The following DSP variants were observed in gnomAD, a reference collection of about 807,000 sequenced individuals.
DSP encodes the protein 250/210 kDa paraneoplastic pemphigus antigen.
In DSP, 114 loss-of-function variants were observed where a neutral mutation model predicts 290.6. That is an observed-to-expected ratio of 0.39 (90% CI 0.34 to 0.46). The LOEUF (loss-of-function observed/expected upper bound fraction) is 0.46. DSP is among the 20% of genes least tolerant of loss of function. DSP has a pLI of 0.99. For missense variants in DSP, 3,230 were observed against 3,495.8 expected, an observed-to-expected ratio of 0.92 and a Z score of 1.92; for synonymous variants, 1,311 against 1,316.4, an observed-to-expected ratio of 1.00 and a Z score of 0.09.
intron 10 of DSP, 129 bp from the exon 11 acceptor site, chr6:7,568,308 G>A: frequency 9.2e-7 from 1 of 1,091,348 alleles, no homozygotes; most frequent in Non-Finnish European, 1.4e-6. Flanking sequence ...ACGAATTTGT[G>A]ATTTTTTACA....
intron 6 of DSP, among the ~76,000 whole-genome samples, 198 bp downstream of exon 6, chr6:7,563,984 T>C (rs1218890272): frequency 1.3e-5 from 2 of 152,228 alleles, no homozygotes; most frequent in African/African-American, 4.8e-5. Flanking sequence ...AGACAGGGTT[T>C]CACCATGTTC....
chr6:7,579,996 G>T lies in DSP; in HGVS notation c.3806G>T (p.Arg1269Leu), dbSNP rs876657795. 11 of 1,614,004 alleles carry T rather than the reference G, an allele frequency of 6.8e-6. No homozygotes were observed. The highest frequency in any genetic ancestry group is 1.1e-5 in the South Asian group (1 of 91,086). ...SILQATEQRRRAEENALQQKA... is the reference protein window; with the variant it reads ...SILQATEQRRLAEENALQQKA... ...TTGCAGGCCACTGAGCAGCGAAGGC[G>T]AGCTGAAGAAAACGCCCTTCAGCAA... Residue 1269 changes from arginine to leucine, a missense_variant, in exon 23 of 24, where the codon CGA becomes CTA. By Grantham distance (102) the Arg-to-Leu change is moderately radical (BLOSUM62 -2). This residue lies in a region of DSP where 1,714 missense variants were observed against 1,844.5 expected (regional missense o/e 0.93). Coordinates refer to ENST00000379802, the MANE Select transcript of DSP (RefSeq NM_004415.4). This position sits in a 1 kb window ranked among gnomAD's most constrained non-coding sequence, Gnocchi z 4.1.
chr6:7,576,434 T>C lies in DSP; in HGVS notation c.2771T>C (p.Met924Thr), dbSNP rs752816142. 99 of 1,613,998 alleles carry C rather than the reference T, an allele frequency of 6.1e-5. No individual in the cohort carries two copies. Among genetic ancestry groups the C allele is most frequent in the Non-Finnish European group, 8.3e-5 (98 of 1,180,016 alleles). ...SMKFGDSNTV[M>T]RFLNEQKNLH... The stretch of plus-strand genomic sequence containing the variant: ...AAATTTGGAGATTCCAACACAGTCA[T>C]GCGGTTTTTGAATGAGCAGAAGGTA... The change falls in exon 19 of 24, where the codon ATG becomes ACG. Residue 924 changes from methionine to threonine, a missense_variant. Met to Thr is a moderately conservative substitution (Grantham distance 81). Coordinates refer to ENST00000379802, the MANE Select transcript of DSP (RefSeq NM_004415.4).
rs35879281 is a variant in DSP at position 7,552,401 on chromosome 6, CAAA to C, written c.171-3306_171-3304del. Among the ~76,000 whole-genome samples the C allele has an allele frequency of 2.9e-3, 411 of 142,668 alleles. 3 individuals are homozygous for C. The highest frequency in any genetic ancestry group is 1.0e-2 in the African/African-American group (389 of 39,028). The allele number at this position is 142,668 out of a possible 152,430, so 93.6% of individuals were successfully genotyped here. ...TGAAACCCCATCTCTATTAAAAATA[CAAA>C]AAAAAAAAAATAGCTGGGCGTGGTG... is the stretch of plus-strand genomic sequence containing the variant. On this transcript the variant is annotated intron_variant, in intron 1 of 23. Coordinates refer to ENST00000379802, the MANE Select transcript of DSP (RefSeq NM_004415.4).
chr6:7,582,648 A>C lies in DSP; in HGVS notation c.5386A>C (p.Asn1796His). 1 of 1,613,458 alleles carries C rather than the reference A, an allele frequency of 6.2e-7. No individual in the cohort carries two copies. The highest frequency in any genetic ancestry group is 8.5e-7 in the Non-Finnish European group (1 of 1,179,498). The change falls in exon 24 of 24, where the codon AAT (asparagine) becomes CAT (histidine). Residue 1796 changes from asparagine to histidine, a missense_variant. By Grantham distance (68) the Asn-to-His change is moderately conservative (BLOSUM62 1). This residue lies in a region of DSP where 1,714 missense variants were observed against 1,844.5 expected (regional missense o/e 0.93). Coordinates refer to ENST00000379802, the MANE Select transcript of DSP (RefSeq NM_004415.4). The surrounding 1 kb of genome is among the most constrained non-coding windows in gnomAD (Gnocchi z 4.2). ...CTTTCTTCTTCAATTCCAGGCATCT[A>C]ATAGGATTCAGGAATCAAAGAATCA... ...KFQKQALEAS[N>H]RIQESKNQCT...
rs201785897 is a variant in DSP at position 7,580,886 on chromosome 6, C to A, written c.4696C>A (p.Leu1566Met). The A allele has an allele frequency of 6.2e-7, 1 of 1,614,118 alleles. No individual in the cohort carries two copies. Among genetic ancestry groups the A allele is most frequent in the African/African-American group, 1.3e-5 (1 of 75,038 alleles). The change falls in exon 23 of 24, where the codon CTG becomes ATG. Residue 1566 changes from leucine to methionine, a missense_variant. Around this residue, in one of 5 missense-constraint regions of DSP, gnomAD observed 1,714 missense variants for 1,844.5 expected, o/e 0.93. Transcript: ENST00000379802. This position sits in a 1 kb window ranked among gnomAD's most constrained non-coding sequence, Gnocchi z 4.2. ...GCGGTTCCAGAACTCTCTGAAAGAG[C>A]TGCAGCTGCAGAAGCAGAAGGTGGA... is the stretch of plus-strand genomic sequence containing the variant. The part of the protein sequence containing the change: ...ITRFQNSLKE[L>M]QLQKQKVEEE...
chr6:7,544,790 T>C lies in DSP; in HGVS notation c.170+2705T>C, dbSNP rs115014365. On this transcript the variant is annotated intron_variant, in intron 1 of 23. Transcript: ENST00000379802. ...TCATTGTATCCTAATTCCCTCTTTT[T>C]CCCCCGACCACCTGCCTGTTCTTTG... Among the ~76,000 whole-genome samples the C allele has an allele frequency of 2.0e-3, 312 of 152,278 alleles. 2 individuals carry two copies. Among genetic ancestry groups the C allele is most frequent in the African/African-American group, 7.3e-3 (303 of 41,554 alleles).
At chr6:7,581,592 A>G in intron 23 of DSP, 23 bp downstream of exon 23, 1 of 1,610,576 alleles carries the variant, frequency 6.2e-7, no homozygotes, top group South Asian at 1.1e-5. Context: ...ACTTGATCAC[A>G]GCTTCACTGT....
chr6:7,556,060 A>G (rs1303009162), intron 2 of DSP, among the ~76,000 whole-genome samples: 2 of 152,228 alleles, frequency 1.3e-5, no homozygotes, highest in African/African-American at 4.8e-5. Flanking sequence ...AAATGTTTAC[A>G]CTACAGATTG....
chr6:7,573,000 C>T (rs989783065), intron 15 of DSP, among the ~76,000 whole-genome samples: 1 of 152,112 alleles, frequency 6.6e-6, no homozygotes, highest in African/African-American at 2.4e-5. Flanking sequence ...TGCAGGGGCA[C>T]ATGCCTGTAA....
intron 4 of DSP, among the ~76,000 whole-genome samples, chr6:7,560,225 A>G (rs1300192005): frequency 6.6e-6 from 1 of 152,208 alleles, no homozygotes; most frequent in African/African-American, 2.4e-5. Context: ...TGTGGTTGTA[A>G]GAAAGCTTGG....
At chr6:7,577,986 T>A in intron 21 of DSP, 100 bp downstream of exon 21, 1 of 966,494 alleles carries the variant, frequency 1.0e-6, no homozygotes, top group South Asian at 1.4e-5. Flanking sequence ...CTCCTGCCTG[T>A]CTTCCTTACC....
chr6:7,575,753 G>T (rs867485853), intron 18 of DSP, among the ~76,000 whole-genome samples: 1 of 152,178 alleles, frequency 6.6e-6, no homozygotes, highest in Admixed American at 6.5e-5. Flanking sequence ...CAGCTCTTTT[G>T]TGTCCTATAA....
At chr6:7,568,937 C>A (rs898853057) in intron 11 of DSP, among the ~76,000 whole-genome samples, 1 of 152,124 alleles carries the variant, frequency 6.6e-6, no homozygotes, top group Non-Finnish European at 1.5e-5. Context: ...ATGTCTCTCA[C>A]TATGGGTGAC....
At position 7,542,091 on chromosome 6, in the gene DSP, T is replaced by A. The variant is rs1212227369; in HGVS notation, c.170+6T>A. The A allele has an allele frequency of 6.4e-7, 1 of 1,556,696 alleles. No individual in the cohort carries two copies. On this transcript the variant is annotated splice_donor_region_variant and intron_variant, in intron 1 of 23. Transcript: ENST00000379802. The stretch of plus-strand genomic sequence containing the variant: ...CAGAACTCGGACGGCTACTGGTGGG[T>A]ACCTGCCCGGAGAGCGCGGGCTGCG...
intron 6 of DSP, among the ~76,000 whole-genome samples, chr6:7,564,023 C>G (rs1758785177): frequency 6.6e-6 from 1 of 152,222 alleles, no homozygotes. Flanking sequence ...GTCTCAAACT[C>G]CTGACCTCAA....
In DSP at chr6:7,578,539, C is replaced by T. The variant is rs763052240; in HGVS notation, c.3061C>T (p.Leu1021=). 2 of 1,613,568 alleles carry T rather than the reference C, an allele frequency of 1.2e-6. No homozygotes were observed. The highest frequency in any genetic ancestry group is 3.3e-5 in the Admixed American group (2 of 59,996). Reference sequence around the variant, plus strand: ...CTATTACAGGTTCTTAAGTGAGATGCTGAAGAGTTTGGAAGATCTGAAGGT... The same window carrying T: ...CTATTACAGGTTCTTAAGTGAGATGTTGAAGAGTTTGGAAGATCTGAAGGT... ...GDYYRFLSEM[L]KSLEDLKLKN... is the part of the protein sequence containing the mutation. The change falls in exon 22 of 24, where the codon CTG becomes TTG. Residue 1021 remains leucine (L), a synonymous_variant. Coordinates refer to ENST00000379802, the MANE Select transcript of DSP (RefSeq NM_004415.4).
At chr6:7,553,951 T>C (rs1758414648) in intron 1 of DSP, among the ~76,000 whole-genome samples, 1 of 152,218 alleles carries the variant, frequency 6.6e-6, no homozygotes, top group African/African-American at 2.4e-5. Flanking sequence ...AGAAATGCTT[T>C]CCCATGGTGA....
intron 1 of DSP, among the ~76,000 whole-genome samples, chr6:7,545,316 G>A (rs956017266): frequency 6.6e-6 from 1 of 152,114 alleles, no homozygotes; most frequent in Non-Finnish European, 1.5e-5. Flanking sequence ...TAGAGCGGGG[G>A]GACCCCTAAG....
Sources: allele counts gnomAD v4.1 joint callset (sites outside exome capture counted in the v4.1 genomes callset), GRCh38; gene constraint gnomAD v4.1.1; regional missense constraint gnomAD v4.1.1; non-coding constraint Gnocchi (gnomAD v3.1); transcripts MANE v1.5; gene names NCBI Gene and HGNC (gene_info 2026-07-23, HGNC 2026-07-21).